DNAAF4: variants seen among roughly 807,000 people sequenced by gnomAD.
DNAAF4 encodes dynein assembly factor 4, axonemal.
A neutral mutation model predicts 51.8 loss-of-function variants in DNAAF4; 43 were observed. The ratio of observed to expected loss-of-function variants is 0.83; its 90% CI spans 0.65 to 1.07. The LOEUF is 1.07. Ranked by LOEUF, DNAAF4 falls within the 50% of genes least tolerant of loss-of-function variation. DNAAF4 has a pLI of 0.00. For missense variants in DNAAF4, 581 were observed against 493.0 expected (o/e 1.18, Z -1.69); for synonymous variants, 194 against 165.6 (o/e 1.17, Z -1.32).
At chr15:55,431,618 G>T (rs1156950843) in intron 9 of DNAAF4, among the ~76,000 whole-genome samples, 1 of 151,752 alleles carries the variant, frequency 6.6e-6, no homozygotes, top group Non-Finnish European at 1.5e-5. Flanking sequence ...GGGACTACAG[G>T]CGCCCGCCAC....
intron 5 of DNAAF4, among the ~76,000 whole-genome samples, chr15:55,456,808 A>G (rs1306105468): frequency 1.3e-5 from 2 of 152,210 alleles, no homozygotes; most frequent in Non-Finnish European, 1.5e-5. Flanking sequence ...AGATTTAGGT[A>G]GCTGAGCAAA....
At chr15:55,438,927 A>C (rs1420323052) in intron 7 of DNAAF4, among the ~76,000 whole-genome samples, 1 of 152,254 alleles carries the variant, frequency 6.6e-6, no homozygotes, top group African/African-American at 2.4e-5. Flanking sequence ...TAAGCATTCC[A>C]AAAGATGTAA....
intron 6 of DNAAF4, chr15:55,443,013 GCTT>G (rs1217992982): frequency 1.2e-6 from 2 of 1,611,370 alleles, no homozygotes; most frequent in Non-Finnish European, 1.7e-6. Flanking sequence ...CATCATCAAA[GCTT>G]CTGGTGAAGA....
chr15:55,430,554 C>A lies in DNAAF4; in HGVS notation c.*116G>T. The A allele has an allele frequency of 7.4e-7, 1 of 1,350,348 alleles. No individual in the cohort carries two copies. The highest frequency in any genetic ancestry group is 9.5e-7 in the Non-Finnish European group (1 of 1,049,472). 83.6% of individuals were successfully genotyped at this position (1,350,348 alleles called of 1,614,324 possible). A position where few individuals can be genotyped will look rare whatever the true frequency, so the allele number is the denominator to read the frequency against. On this transcript the variant is annotated 3_prime_UTR_variant, in exon 10 of 10. Coordinates refer to ENST00000321149, the MANE Select transcript of DNAAF4 (RefSeq NM_130810.4). ...TAGATTTATAATATTTTGCCCTCAACAGAACTAAAGTACTAAACAGAAAGC... is the reference window on the plus strand; with the variant it reads ...TAGATTTATAATATTTTGCCCTCAAAAGAACTAAAGTACTAAACAGAAAGC...
At chr15:55,488,478 G>T (rs1188653572) in intron 4 of DNAAF4, among the ~76,000 whole-genome samples, 1 of 152,186 alleles carries the variant, frequency 6.6e-6, no homozygotes, top group Non-Finnish European at 1.5e-5. Context: ...ATTGCACAGA[G>T]TGAAAATAGC....
At chr15:55,455,864 A>AT (rs904566004) in intron 5 of DNAAF4, among the ~76,000 whole-genome samples, 212 of 149,692 alleles carry the variant, frequency 1.4e-3, no homozygotes, top group African/African-American at 4.4e-3. Flanking sequence ...ATTCATAGTT[A>AT]TTTTTTTTTT....
intron 7 of DNAAF4, chr15:55,418,397 C>T (rs1272428117): frequency 6.5e-7 from 1 of 1,533,726 alleles, no homozygotes. Context: ...CAATTCAAGT[C>T]ATTATGGTGA....
intron 4 of DNAAF4, among the ~76,000 whole-genome samples, chr15:55,484,557 A>G (rs924277023): frequency 6.6e-6 from 1 of 152,116 alleles, no homozygotes; most frequent in African/African-American, 2.4e-5. Context: ...ATACAAGCCC[A>G]AAACAATTGA....
intron 7 of DNAAF4, among the ~76,000 whole-genome samples, chr15:55,438,293 T>C (rs58851760): frequency 0.05 from 7,579 of 150,188 alleles, 659 homozygotes; most frequent in African/African-American, 0.18. Flanking sequence ...GGAGTTTGCA[T>C]TGAGCCAAGA....
At chr15:55,448,908 T>C (rs1194428884) in intron 6 of DNAAF4, among the ~76,000 whole-genome samples, 1 of 151,324 alleles carries the variant, frequency 6.6e-6, no homozygotes, top group Admixed American at 6.6e-5. Flanking sequence ...TATAACTGTA[T>C]AATTATAGAA....
chr15:55,418,848 T>C lies in DNAAF4; in HGVS notation c.1048-715A>G, dbSNP rs192254908. 2.4e-3 allele frequency: 543 copies of C among 223,358 alleles called. 5 individuals are homozygous for C. The highest frequency in any genetic ancestry group is 2.6e-3 in the Non-Finnish European group (295 of 115,148). The allele number at this position is 223,358 out of a possible 1,614,324, so 13.8% of individuals were successfully genotyped here. On this transcript the variant is annotated intron_variant, in intron 7 of 7. Transcript: ENST00000448430. The stretch of plus-strand genomic sequence containing the variant: ...TTTACTTATCTATTGAGTATACTTA[T>C]CAAGACAAAGGAACACAGGAGCTGT...
intron 7 of DNAAF4, chr15:55,418,744 T>C: frequency 1.9e-6 from 1 of 515,324 alleles, no homozygotes; most frequent in East Asian, 3.2e-5. Flanking sequence ...AATGAAAATA[T>C]GTTCAAAATA....
intron 4 of DNAAF4, among the ~76,000 whole-genome samples, chr15:55,479,754 T>C (rs1428009844): frequency 6.6e-6 from 1 of 152,122 alleles, no homozygotes; most frequent in Non-Finnish European, 1.5e-5. Flanking sequence ...CGCTCTGGGC[T>C]CTGGGAATGT....
rs2057675496 is a variant in DNAAF4 at position 55,439,663 on chromosome 15, C to T, written c.784-82G>A. ...TCCTTTTAGATTTTCCATCTTCCTC[C>T]AGTGGATTGAAATATTATTTGCTAT... On this transcript the variant is annotated intron_variant, in intron 6 of 9. Coordinates refer to ENST00000321149, the MANE Select transcript of DNAAF4 (RefSeq NM_130810.4). The T allele has an allele frequency of 2.4e-6, 3 of 1,232,894 alleles. No individual in the cohort carries two copies. In the Admixed American group the frequency reaches 6.6e-5, roughly 27 times the overall value. 76.4% of individuals were successfully genotyped at this position (1,232,894 alleles called of 1,614,324 possible).
chr15:55,441,058 G>A (rs2057703647), intron 6 of DNAAF4, among the ~76,000 whole-genome samples: 1 of 151,700 alleles, frequency 6.6e-6, no homozygotes, highest in Non-Finnish European at 1.5e-5. Flanking sequence ...TGCTTTCTGG[G>A]AGTTCATATG....
At chr15:55,491,018 A>G in intron 4 of DNAAF4, 105 bp downstream of exon 4, 1 of 1,387,760 alleles carries the variant, frequency 7.2e-7, no homozygotes, top group Non-Finnish European at 9.9e-7. Flanking sequence ...TCCTCTAAAC[A>G]AAGTATGAAG....
intron 6 of DNAAF4, among the ~76,000 whole-genome samples, chr15:55,449,243 G>T (rs1352784920): frequency 6.6e-6 from 1 of 150,610 alleles, no homozygotes; most frequent in Non-Finnish European, 1.5e-5. Context: ...ACCCACCTCG[G>T]CCTCCCAAAG....
At position 55,491,081 on chromosome 15, in the gene DNAAF4, T is replaced by C. The variant is rs1162001413; in HGVS notation, c.405+42A>G. ...AACTCACTATCCTCACATAGTCTAC[T>C]ATTATCTCTTTAGAGGACTTGCCTG... is the stretch of plus-strand genomic sequence containing the variant. On this transcript the variant is annotated intron_variant, in intron 4 of 9. Coordinates refer to ENST00000321149, the MANE Select transcript of DNAAF4 (RefSeq NM_130810.4). 3.1e-6 allele frequency: 5 copies of C among 1,611,786 alleles called. No individual in the cohort carries two copies. The Admixed American group carries it at 8.4e-5, about 27-fold the overall frequency.
At chr15:55,455,413 T>TATATATATATATATA (rs2058004968) in intron 5 of DNAAF4, among the ~76,000 whole-genome samples, 3 of 141,744 alleles carry the variant, frequency 2.1e-5, no homozygotes, top group African/African-American at 5.2e-5. Flanking sequence ...TATATATATA[T>TATATATATATATATA]TCAATCTAAA....
Sources: gnomAD v4.1 joint callset for allele counts (sites outside exome capture counted in the v4.1 genomes callset) on GRCh38, gnomAD v4.1.1 for gene constraint, MANE v1.5 for transcripts, NCBI Gene and HGNC (gene_info 2026-07-23, HGNC 2026-07-21) for gene names.